The following FSTL1 variants were observed in gnomAD, a reference collection of about 807,000 sequenced individuals.
FSTL1 encodes follistatin-related protein 1.
A neutral mutation model predicts 45.9 loss-of-function variants in FSTL1; 24 were observed. The ratio of observed to expected loss-of-function variants is 0.52; its 90% CI spans 0.38 to 0.74. The LOEUF (loss-of-function observed/expected upper bound fraction) is 0.74, where lower values mean the gene tolerates loss of function less well. FSTL1 is among the 30% of genes least tolerant of loss of function. The pLI, the probability that FSTL1 is intolerant of heterozygous loss-of-function variation, is 0.00. For missense variants in FSTL1, 340 were observed against 381.8 expected, an observed-to-expected ratio of 0.89 and a Z score of 0.91; for synonymous variants, 120 against 137.6, an observed-to-expected ratio of 0.87 and a Z score of 0.89.
intron 9 of FSTL1, among the ~76,000 whole-genome samples, chr3:120,400,264 A>G (rs980611588): frequency 6.6e-6 from 1 of 152,216 alleles, no homozygotes; most frequent in Admixed American, 6.5e-5. Flanking sequence ...TTGGATCCTG[A>G]CACTGGAGAT....
rs150185137 is a variant in FSTL1, at chr3:120,407,353, AG to A, written c.462+2178del. Among the ~76,000 whole-genome samples the A allele has an allele frequency of 1.3e-3, 195 of 152,318 alleles. No homozygotes were observed. The Middle Eastern group carries it at 0.014, about 11-fold the overall frequency. The stretch of plus-strand genomic sequence containing the variant: ...GGCTCAAGTGTCAGCCCTGGCCATC[AG>A]GAGCCACAGGGATTGAGATCACACC... On this transcript the variant is annotated intron_variant, in intron 6 of 10. Transcript: ENST00000295633.
intron 10 of FSTL1, among the ~76,000 whole-genome samples, chr3:120,398,737 G>A (rs537188196): frequency 6.6e-6 from 1 of 152,282 alleles, no homozygotes; most frequent in South Asian, 2.1e-4. Context: ...CTGCTCTGAG[G>A]GGACTCACAT....
intron 10 of FSTL1, among the ~76,000 whole-genome samples, chr3:120,397,548 C>A (rs947646337): frequency 6.6e-6 from 1 of 152,166 alleles, no homozygotes; most frequent in Non-Finnish European, 1.5e-5. Flanking sequence ...ATTAATCACA[C>A]GGGAAATGCA....
intron 2 of FSTL1, among the ~76,000 whole-genome samples, chr3:120,425,536 T>G (rs1937361749): frequency 6.6e-6 from 1 of 152,180 alleles, no homozygotes; most frequent in South Asian, 2.1e-4. Context: ...GGCAAGGTGC[T>G]TGACCTCTCT....
Position 120,393,159 on chromosome 3 carries a change from A to C in FSTL1, c.*3793T>G, listed in dbSNP as rs1936624639. On this transcript the variant is annotated 3_prime_UTR_variant, in exon 11 of 11. Coordinates refer to ENST00000295633, the MANE Select transcript of FSTL1 (RefSeq NM_007085.5). ...AAAATTTGAAGAATCAAACTGTAAG[A>C]GCAGTAATCTGTAGCAATCACATAA... 6.6e-6 allele frequency: 1 copy of C among 152,196 alleles called. No individual in the cohort carries two copies. The highest frequency in any genetic ancestry group is 1.5e-5 in the Non-Finnish European group (1 of 68,032). 9.4% of individuals were successfully genotyped at this position (152,196 alleles called of 1,614,324 possible). A position where few individuals can be genotyped will look rare whatever the true frequency, so the allele number is the denominator to read the frequency against.
intron 2 of FSTL1, among the ~76,000 whole-genome samples, chr3:120,426,945 A>G (rs775888808): frequency 5.3e-5 from 8 of 152,304 alleles, no homozygotes; most frequent in Non-Finnish European, 1.0e-4. Flanking sequence ...AGGTAGCCAC[A>G]GCAGATTTAA....
At chr3:120,432,844 A>C (rs1024212476) in intron 2 of FSTL1, among the ~76,000 whole-genome samples, 3 of 152,176 alleles carry the variant, frequency 2.0e-5, no homozygotes, top group African/African-American at 7.2e-5. Context: ...GCCCCCAGGG[A>C]CTTCACTCAA....
At chr3:120,402,707 C>T in intron 9 of FSTL1, 101 bp downstream of exon 9, 1 of 789,646 alleles carries the variant, frequency 1.3e-6, no homozygotes, top group Non-Finnish European at 2.2e-6. Flanking sequence ...TGCTCCCAGC[C>T]ACCGCCCTCT....
intron 2 of FSTL1, among the ~76,000 whole-genome samples, chr3:120,445,877 C>T (rs1405243610): frequency 6.7e-6 from 1 of 149,760 alleles, no homozygotes; most frequent in South Asian, 2.1e-4. Context: ...GGGATAGGCT[C>T]GATGAGGACA....
chr3:120,405,299 C>A (rs1176943292), intron 6 of FSTL1, among the ~76,000 whole-genome samples: 1 of 152,198 alleles, frequency 6.6e-6, no homozygotes, highest in Non-Finnish European at 1.5e-5. Context: ...GACCAACCTG[C>A]ACATCATGTT....
chr3:120,395,944 A>T lies in FSTL1; in HGVS notation c.*1008T>A. 1 of 308,686 alleles carries T rather than the reference A, an allele frequency of 3.2e-6. No individual in the cohort carries two copies. Among genetic ancestry groups the T allele is most frequent in the South Asian group, 2.9e-5 (1 of 34,232 alleles). The allele number at this position is 308,686 out of a possible 1,614,324, so 19.1% of individuals were successfully genotyped here. A position where few individuals can be genotyped will look rare whatever the true frequency, so the allele number is the denominator to read the frequency against. On this transcript the variant is annotated 3_prime_UTR_variant, in exon 11 of 11. Transcript: ENST00000295633. The stretch of plus-strand genomic sequence containing the variant: ...ATACTGATTTGCCTCAACTTCTCAG[A>T]ATAAATAAAAACAAATTAATGTTTG...
intron 3 of FSTL1, 53 bp from the exon 4 acceptor site, chr3:120,412,036 GACACACACACAC>G: frequency 7.0e-7 from 1 of 1,425,876 alleles, no homozygotes; most frequent in Non-Finnish European, 9.7e-7. Context: ...TCGACACACA[GACACACACACAC>G]ACATACATGC....
chr3:120,447,717 C>T (rs1452269756), intron 2 of FSTL1, among the ~76,000 whole-genome samples: 4 of 152,232 alleles, frequency 2.6e-5, no homozygotes, highest in African/African-American at 7.2e-5. Context: ...GGCACCATCA[C>T]GGCTCACTGC....
rs1021955074 is a variant in FSTL1 at position 120,404,886 on chromosome 3, G to A, written c.548C>T (p.Thr183Met). Residue 183 changes from threonine to methionine, a missense_variant, in exon 7 of 11, where the codon ACG becomes ATG. Transcript: ENST00000295633. ...CTTGTTGTTCTCCTGGTCTGGATACGTTGTAATATTGATGGCAGTTTCATT... is the reference window on the plus strand; with the variant it reads ...CTTGTTGTTCTCCTGGTCTGGATACATTGTAATATTGATGGCAGTTTCATT... ...EQNETAINITTYPDQENNKLL... is the reference protein window; with the variant it reads ...EQNETAINITMYPDQENNKLL... 20 of 1,592,772 alleles carry A rather than the reference G, an allele frequency of 1.3e-5. No homozygotes were observed. The highest frequency in any genetic ancestry group is 3.3e-5 in the Admixed American group (2 of 59,972).
At chr3:120,449,973 G>T (rs1486813308) in intron 2 of FSTL1, among the ~76,000 whole-genome samples, 1 of 152,114 alleles carries the variant, frequency 6.6e-6, no homozygotes, top group Non-Finnish European at 1.5e-5. Flanking sequence ...TCTGAGCAAA[G>T]AGTTTGTTGG....
chr3:120,443,000 G>A (rs1282245973), intron 2 of FSTL1, among the ~76,000 whole-genome samples: 3 of 145,264 alleles, frequency 2.1e-5, no homozygotes, highest in Non-Finnish European at 3.0e-5. Context: ...GCTAGATGAC[G>A]AGTTAGTGGG....
chr3:120,415,721 T>A (rs1576216216), intron 3 of FSTL1: 1 of 498,590 alleles, frequency 2.0e-6, no homozygotes, highest in Non-Finnish European at 3.5e-6. Flanking sequence ...AAAAATCTTA[T>A]AAAGCTAAAT....
At chr3:120,405,504 A>G (rs1317305031) in intron 6 of FSTL1, among the ~76,000 whole-genome samples, 3 of 152,182 alleles carry the variant, frequency 2.0e-5, no homozygotes, top group African/African-American at 7.2e-5. Flanking sequence ...TCCTGTTCTC[A>G]GTGCTTAACT....
chr3:120,449,081 C>A (rs764069398), intron 2 of FSTL1, among the ~76,000 whole-genome samples: 1 of 152,148 alleles, frequency 6.6e-6, no homozygotes, highest in South Asian at 2.1e-4. Context: ...AAGGGGGATA[C>A]GCTCTCAAAT....
Sources: allele counts gnomAD v4.1 joint callset (sites outside exome capture counted in the v4.1 genomes callset), GRCh38; gene constraint gnomAD v4.1.1; transcripts MANE v1.5; gene names NCBI Gene and HGNC (gene_info 2026-07-23, HGNC 2026-07-21).